The following MCC variants were observed in gnomAD, a reference collection of about 807,000 sequenced individuals.
MCC encodes the protein colorectal mutant cancer protein.
Under a neutral mutation model 116.2 loss-of-function variants are expected in MCC, and 90 were observed. The observed-to-expected ratio is 0.77, with a 90% confidence interval of 0.65 to 0.92. MCC has a LOEUF of 0.92. Among genes scored for constraint, MCC ranks in the 40% least tolerant of loss-of-function variants. The pLI is 0.00. For synonymous variants in MCC, 578 were observed against 510.5 expected, an observed-to-expected ratio of 1.13 and a Z score of -1.78; for missense variants, 1,516 against 1,312.2, an observed-to-expected ratio of 1.16 and a Z score of -2.40.
chr5:113,148,715 A>G (rs896254043), intron 4 of MCC, among the ~76,000 whole-genome samples: 10 of 152,242 alleles, frequency 6.6e-5, no homozygotes, highest in East Asian at 1.9e-4. Context: ...TTTTAAAGAT[A>G]TAAGTCTGAC....
At chr5:113,115,102 C>T (rs114342657) in intron 6 of MCC, among the ~76,000 whole-genome samples, 1 of 152,104 alleles carries the variant, frequency 6.6e-6, no homozygotes, top group Non-Finnish European at 1.5e-5. Context: ...GATCCTCCCC[C>T]CTGAGACGCT....
intron 16 of MCC, chr5:113,048,690 G>T: frequency 3.0e-6 from 1 of 328,456 alleles, no homozygotes; most frequent in Non-Finnish European, 5.5e-6. Flanking sequence ...TATTACCTGT[G>T]GTTTCAGGCA....
At position 113,064,845 on chromosome 5, in the gene MCC, A is replaced by G. The variant is rs187459918; in HGVS notation, c.2030-678T>C. On this transcript the variant is annotated intron_variant, in intron 13 of 18. Transcript: ENST00000408903. ...TGAAGTCCCTGCCCAAAATGTTCAC[A>G]TTCCTATTGTGATTTAAGACTGTGC... Among the ~76,000 whole-genome samples, 183 of 152,296 alleles carry G rather than the reference A, an allele frequency of 1.2e-3. 1 individual carries two copies. The highest frequency in any genetic ancestry group is 3.4e-3 in the Middle Eastern group (1 of 294).
intron 3 of MCC, among the ~76,000 whole-genome samples, chr5:113,337,933 G>A (rs1767909708): frequency 6.6e-6 from 1 of 152,088 alleles, no homozygotes; most frequent in Non-Finnish European, 1.5e-5. Context: ...CTATGGCTAT[G>A]AAACAAACTA....
At chr5:113,280,520 G>A (rs1040909065) in intron 3 of MCC, among the ~76,000 whole-genome samples, 25 of 152,116 alleles carry the variant, frequency 1.6e-4, no homozygotes, top group African/African-American at 3.9e-4. Flanking sequence ...ATTCTAAGTC[G>A]TAAGTCAGAG....
chr5:113,216,594 G>C (rs1473905357), intron 3 of MCC, among the ~76,000 whole-genome samples: 2 of 152,194 alleles, frequency 1.3e-5, no homozygotes, highest in Non-Finnish European at 2.9e-5. Context: ...AGGTAGATGA[G>C]TGTTTACAAG....
intron 8 of MCC, among the ~76,000 whole-genome samples, chr5:113,092,240 C>A (rs1311908266): frequency 6.6e-6 from 1 of 151,978 alleles, no homozygotes; most frequent in Non-Finnish European, 1.5e-5. Flanking sequence ...AGTCACAAGA[C>A]CCCTCTAAGA....
At chr5:113,174,193 G>C (rs1386858416) in intron 3 of MCC, among the ~76,000 whole-genome samples, 1 of 152,148 alleles carries the variant, frequency 6.6e-6, no homozygotes, top group Non-Finnish European at 1.5e-5. Flanking sequence ...CCAAGGTAGG[G>C]GTGGGTAGAC....
intron 3 of MCC, among the ~76,000 whole-genome samples, chr5:113,292,926 T>A (rs191718724): frequency 1.2e-4 from 19 of 152,308 alleles, no homozygotes; most frequent in Admixed American, 1.2e-3. Context: ...CCGTTAATTA[T>A]AAAATTGGCA....
intron 1 of MCC, among the ~76,000 whole-genome samples, chr5:113,468,364 C>A (rs1771975960): frequency 6.6e-6 from 1 of 152,132 alleles, no homozygotes; most frequent in African/African-American, 2.4e-5. Flanking sequence ...CCATCAATAC[C>A]TAATTTATTG....
chr5:113,164,779 G>A (rs1760685454), intron 3 of MCC, among the ~76,000 whole-genome samples: 1 of 152,180 alleles, frequency 6.6e-6, no homozygotes, highest in Non-Finnish European at 1.5e-5. Flanking sequence ...AAGGGAGAGA[G>A]CCTGAGGACT....
At chr5:113,065,226 A>G (rs1255820529) in intron 13 of MCC, among the ~76,000 whole-genome samples, 7 of 152,126 alleles carry the variant, frequency 4.6e-5, no homozygotes, top group Non-Finnish European at 1.0e-4. Flanking sequence ...TAGGTTCATC[A>G]CTTGTAACTA....
At chr5:113,045,169 C>T (rs1042138793) in intron 16 of MCC, among the ~76,000 whole-genome samples, 4 of 152,202 alleles carry the variant, frequency 2.6e-5, no homozygotes, top group African/African-American at 9.7e-5. Flanking sequence ...TCCTTAAAGA[C>T]AGGGACTGCT....
At chr5:113,487,128 C>T (rs1772553295) in intron 1 of MCC, among the ~76,000 whole-genome samples, 1 of 151,372 alleles carries the variant, frequency 6.6e-6, no homozygotes, top group South Asian at 2.1e-4. Context: ...TAAGAATGAT[C>T]AAAATTGCGT....
At chr5:113,148,210 C>G (rs1418915126) in intron 4 of MCC, among the ~76,000 whole-genome samples, 1 of 152,234 alleles carries the variant, frequency 6.6e-6, no homozygotes, top group African/African-American at 2.4e-5. Context: ...CATGTCTGTG[C>G]CCGTATTCAA....
intron 3 of MCC, among the ~76,000 whole-genome samples, chr5:113,167,186 T>C (rs1012513429): frequency 2.0e-5 from 3 of 152,178 alleles, no homozygotes; most frequent in African/African-American, 4.8e-5. Context: ...AGAACAATTA[T>C]GGAGGGCATT....
At chr5:113,303,107 C>T (rs1157788110) in intron 3 of MCC, among the ~76,000 whole-genome samples, 1 of 152,072 alleles carries the variant, frequency 6.6e-6, no homozygotes, top group African/African-American at 2.4e-5. Flanking sequence ...ATCAAGTGTT[C>T]CATGTTGGAT....
intron 6 of MCC, among the ~76,000 whole-genome samples, chr5:113,113,184 C>G (rs1466930624): frequency 3.3e-5 from 5 of 152,198 alleles, no homozygotes; most frequent in Admixed American, 3.3e-4. Context: ...CCTACAGATT[C>G]TTTCAGCCTC....
intron 3 of MCC, among the ~76,000 whole-genome samples, chr5:113,197,972 T>C (rs1489070224): frequency 1.3e-5 from 2 of 152,206 alleles, no homozygotes; most frequent in Non-Finnish European, 2.9e-5. Context: ...AGCATCTCAG[T>C]CCAGCTAAGT....
Sources: gnomAD v4.1 joint callset for allele counts (sites outside exome capture counted in the v4.1 genomes callset) on GRCh38, gnomAD v4.1.1 for gene constraint, MANE v1.5 for transcripts, NCBI Gene and HGNC (gene_info 2026-07-23, HGNC 2026-07-21) for gene names.